FNDC3A: variants seen among roughly 807,000 people sequenced by gnomAD.
The protein encoded by FNDC3A is fibronectin type III domain containing 3A, also known as fibronectin type-III domain-containing protein 3A.
In FNDC3A, 32 loss-of-function variants were observed where a neutral mutation model predicts 148.9. The ratio of observed to expected loss-of-function variants is 0.21; its 90% CI spans 0.16 to 0.29. The LOEUF (loss-of-function observed/expected upper bound fraction) is 0.29, where lower values mean the gene tolerates loss of function less well. Ranked by LOEUF, FNDC3A falls within the 10% of genes least tolerant of loss-of-function variation. The pLI is 1.00. For synonymous variants in FNDC3A, 472 were observed against 473.6 expected, an observed-to-expected ratio of 1.00 and a Z score of 0.04; for missense variants, 1,191 against 1,452.8, an observed-to-expected ratio of 0.82 and a Z score of 2.93.
intron 2 of FNDC3A, among the ~76,000 whole-genome samples, chr13:49,021,002 AGG>A (rs1183895095): frequency 1.3e-5 from 2 of 152,168 alleles, no homozygotes; most frequent in Non-Finnish European, 2.9e-5. Flanking sequence ...CAGAATAGTC[AGG>A]GTAGTGAAGC....
chr13:48,977,324 G>A (rs1313784723), intron 1 of FNDC3A, among the ~76,000 whole-genome samples: 1 of 152,216 alleles, frequency 6.6e-6, no homozygotes, highest in Non-Finnish European at 1.5e-5. Flanking sequence ...TTGTAGGAAT[G>A]AAATAACAGT....
At chr13:49,114,761 A>G in intron 4 of FNDC3A, 30 bp downstream of exon 4, 1 of 1,370,948 alleles carries the variant, frequency 7.3e-7, no homozygotes, top group Non-Finnish European at 1.0e-6. Context: ...TTCTTTTCAT[A>G]TTTGTATAAT....
intron 1 of FNDC3A, among the ~76,000 whole-genome samples, chr13:48,991,966 T>TATTC (rs1951928311): frequency 6.6e-6 from 1 of 152,240 alleles, no homozygotes; most frequent in Admixed American, 6.5e-5. Context: ...AAGTGTTGAA[T>TATTC]GTCTCGTGTA....
chr13:49,187,273 CT>C, intron 16 of FNDC3A, 83 bp downstream of exon 16: 6 of 1,059,052 alleles, frequency 5.7e-6, no homozygotes, highest in Non-Finnish European at 8.5e-6. Flanking sequence ...TATGTCATAT[CT>C]TTTCTTTCTT....
chr13:49,135,263 C>T (rs918345100), intron 5 of FNDC3A, among the ~76,000 whole-genome samples: 10 of 152,116 alleles, frequency 6.6e-5, no homozygotes, highest in African/African-American at 2.4e-4. Flanking sequence ...TATATATATT[C>T]TGGATACAAG....
At chr13:49,049,041 A>C (rs1566214236) in intron 2 of FNDC3A, among the ~76,000 whole-genome samples, 1 of 152,100 alleles carries the variant, frequency 6.6e-6, no homozygotes, top group Non-Finnish European at 1.5e-5. Flanking sequence ...GATTTTGTCA[A>C]ATGCTTTTTT....
At chr13:49,032,758 ATTTCTTTTTGAGGTGATAAGAATGTT>A (rs1192880228) in intron 2 of FNDC3A, among the ~76,000 whole-genome samples, 1 of 152,070 alleles carries the variant, frequency 6.6e-6, no homozygotes, top group Middle Eastern at 3.2e-3. Context: ...GTCTATGGAA[ATTTCTTTTTGAGGTGATAAGAATGTT>A]CTAAAATTTA....
intron 3 of FNDC3A, among the ~76,000 whole-genome samples, chr13:49,090,127 G>A (rs940633404): frequency 3.3e-5 from 5 of 152,106 alleles, no homozygotes; most frequent in South Asian, 2.1e-4. Flanking sequence ...CTTTCTTTAA[G>A]AACATATCCC....
At position 49,207,567 on chromosome 13, in the gene FNDC3A, T is replaced by A; in HGVS notation, c.*172T>A. The A allele has an allele frequency of 2.3e-6, 1 of 434,334 alleles. No homozygotes were observed. Among genetic ancestry groups the A allele is most frequent in the South Asian group, 6.9e-5 (1 of 14,402 alleles). The allele number at this position is 434,334 out of a possible 1,614,324, so 26.9% of individuals were successfully genotyped here. Reference sequence around the variant, plus strand: ...TGTTAGGTAGAGGCTGGCACTTTATTAGAATGCAAGCCACAAAAATATCAA... The same window carrying A: ...TGTTAGGTAGAGGCTGGCACTTTATAAGAATGCAAGCCACAAAAATATCAA... On this transcript the variant is annotated 3_prime_UTR_variant, in exon 26 of 26. Transcript: ENST00000492622.
rs547764903 is a variant in FNDC3A at position 49,061,318 on chromosome 13, T to C, written c.100-13971T>C. 1.1e-3 allele frequency among the ~76,000 whole-genome samples: 106 copies of C among 99,956 alleles called. 2 individuals are homozygous for C. The highest frequency in any genetic ancestry group is 4.4e-3 in the East Asian group (13 of 2,922). The allele number at this position is 99,956 out of a possible 152,430, so 65.6% of individuals were successfully genotyped here. On this transcript the variant is annotated intron_variant, in intron 2 of 25. Transcript: ENST00000492622. ...TCCATTTTCCATTTTCCCTCTCTTC[T>C]CTTCCCTTCCCTTCCCTTCCCTTCC...
intron 2 of FNDC3A, among the ~76,000 whole-genome samples, chr13:49,060,613 C>T (rs909606682): frequency 3.5e-5 from 5 of 141,450 alleles, no homozygotes; most frequent in Admixed American, 3.0e-4. Context: ...CACTGCACTC[C>T]AGCCTGGGCG....
chr13:49,116,641 C>T (rs1329548143), intron 4 of FNDC3A, among the ~76,000 whole-genome samples: 2 of 152,116 alleles, frequency 1.3e-5, no homozygotes. Context: ...CAAAAATTAG[C>T]TGGTCATGGT....
intron 3 of FNDC3A, among the ~76,000 whole-genome samples, chr13:49,109,307 A>G (rs1034657266): frequency 6.6e-6 from 1 of 152,230 alleles, no homozygotes; most frequent in Non-Finnish European, 1.5e-5. Flanking sequence ...TCTCACAACA[A>G]TGCTATGATG....
At chr13:49,162,429 A>C (rs1438991309) in intron 8 of FNDC3A, among the ~76,000 whole-genome samples, 1 of 152,084 alleles carries the variant, frequency 6.6e-6, no homozygotes, top group Non-Finnish European at 1.5e-5. Context: ...TGTGTCACGT[A>C]GTTCTCGTGC....
chr13:49,187,764 T>C (rs1213722078), intron 16 of FNDC3A: 3 of 825,688 alleles, frequency 3.6e-6, no homozygotes, highest in Non-Finnish European at 3.9e-6. Context: ...TGGATTTTTT[T>C]TTTCTTTGTT....
intron 2 of FNDC3A, 107 bp from the exon 3 acceptor site, chr13:49,075,182 T>C: frequency 1.8e-6 from 1 of 569,886 alleles, no homozygotes; most frequent in Admixed American, 3.1e-5. Context: ...CCCATTTTCC[T>C]TCCCAGTTTC....
intron 2 of FNDC3A, among the ~76,000 whole-genome samples, chr13:49,068,100 G>A (rs1249275604): frequency 1.3e-5 from 2 of 151,860 alleles, no homozygotes; most frequent in Non-Finnish European, 2.9e-5. Flanking sequence ...TTGGGAGGCC[G>A]AGCTGGGCGG....
At chr13:49,092,184 A>C (rs758675868) in intron 3 of FNDC3A, among the ~76,000 whole-genome samples, 2 of 152,322 alleles carry the variant, frequency 1.3e-5, no homozygotes, top group Non-Finnish European at 2.9e-5. Flanking sequence ...CAGCTTGCAC[A>C]GCAGCCTGGA....
At chr13:49,020,978 G>T (rs1001771527) in intron 2 of FNDC3A, among the ~76,000 whole-genome samples, 6 of 152,148 alleles carry the variant, frequency 3.9e-5, no homozygotes, top group African/African-American at 1.4e-4. Flanking sequence ...TCGAACCAGA[G>T]ATGTAGAAAT....
Sources: gnomAD v4.1 joint callset for allele counts (sites outside exome capture counted in the v4.1 genomes callset) on GRCh38, gnomAD v4.1.1 for gene constraint, MANE v1.5 for transcripts, NCBI Gene and HGNC (gene_info 2026-07-23, HGNC 2026-07-21) for gene names.